The following SHB variants were observed in gnomAD, a reference collection of about 807,000 sequenced individuals.
SHB encodes SH2 domain containing adaptor protein B, also known as SH2 domain-containing adapter protein B.
SHB carries 20 observed loss-of-function variants against 52.3 expected under a neutral mutation model. The observed-to-expected ratio is 0.38, with a 90% confidence interval of 0.27 to 0.56. SHB has a LOEUF of 0.56. SHB is among the 20% of genes least tolerant of loss of function. SHB has a pLI of 0.71. For missense variants in SHB, 825 were observed against 723.3 expected (o/e 1.14, Z -1.61); for synonymous variants, 397 against 316.5 (o/e 1.25, Z -2.70).
chr9:38,066,537 C>T (rs1156630436), intron 1 of SHB, among the ~76,000 whole-genome samples: 1 of 152,178 alleles, frequency 6.6e-6, no homozygotes, highest in East Asian at 1.9e-4. Context: ...AGCCACCTGG[C>T]TCCCAGCTAG....
rs1032471015 is a variant in SHB at position 37,916,455 on chromosome 9, G to A, written c.*3366C>T. 4.6e-5 allele frequency among the ~76,000 whole-genome samples: 7 copies of A among 152,252 alleles called. No homozygotes were observed. The highest frequency in any genetic ancestry group is 4.4e-5 in the Non-Finnish European group (3 of 68,048). The stretch of plus-strand genomic sequence containing the variant: ...GCGTCTGGGGAGCTACCGGAACTTC[G>A]TGTTCAGCATCTTACAAAGGGGGCC... On this transcript the variant is annotated 3_prime_UTR_variant, in exon 6 of 6. Coordinates refer to ENST00000377707, the MANE Select transcript of SHB (RefSeq NM_003028.3).
chr9:37,981,937 A>C (rs1820732259), intron 2 of SHB, among the ~76,000 whole-genome samples: 2 of 152,186 alleles, frequency 1.3e-5, no homozygotes, highest in Non-Finnish European at 2.9e-5. Context: ...ATCAAAGATC[A>C]CTGATCACAG....
At chr9:38,058,962 G>A (rs1412715989) in intron 1 of SHB, among the ~76,000 whole-genome samples, 2 of 152,076 alleles carry the variant, frequency 1.3e-5, no homozygotes, top group Admixed American at 6.5e-5. Flanking sequence ...TTCCTCCACA[G>A]TCCCCACCCC....
chr9:37,971,864 G>A (rs748500940), intron 3 of SHB, among the ~76,000 whole-genome samples: 11 of 152,192 alleles, frequency 7.2e-5, no homozygotes, highest in Non-Finnish European at 1.3e-4. Flanking sequence ...GGGCAGAAGT[G>A]GGCAAGTTCT....
chr9:37,979,819 T>G (rs1820702053), intron 2 of SHB, among the ~76,000 whole-genome samples: 1 of 152,144 alleles, frequency 6.6e-6, no homozygotes, highest in East Asian at 1.9e-4. Context: ...TAGCCAGGCA[T>G]GGTGGCAGGT....
chr9:37,992,333 G>A (rs146788798), intron 2 of SHB, among the ~76,000 whole-genome samples: 1,851 of 152,242 alleles, frequency 0.012, 19 homozygotes, highest in Middle Eastern at 0.034. Context: ...CCCAGGAGGC[G>A]GAGGTTGCAG....
At chr9:37,923,259 A>C (rs1587191284) in intron 5 of SHB, among the ~76,000 whole-genome samples, 1 of 152,188 alleles carries the variant, frequency 6.6e-6, no homozygotes, top group East Asian at 1.9e-4. Context: ...CTGAGCAAAC[A>C]TCCCCTCCAC....
chr9:37,946,196 G>A (rs747942212), intron 5 of SHB, among the ~76,000 whole-genome samples: 7 of 152,232 alleles, frequency 4.6e-5, no homozygotes, highest in Non-Finnish European at 7.3e-5. Flanking sequence ...CACGAGGCCC[G>A]TCCTCTACCT....
At chr9:38,020,662 G>A (rs1821269980) in intron 1 of SHB, among the ~76,000 whole-genome samples, 1 of 152,202 alleles carries the variant, frequency 6.6e-6, no homozygotes, top group African/African-American at 2.4e-5. Flanking sequence ...AATTCGGCCT[G>A]TGCAGGGGGA....
chr9:38,004,976 C>T (rs937889489), intron 2 of SHB, among the ~76,000 whole-genome samples: 3 of 152,240 alleles, frequency 2.0e-5, no homozygotes, highest in African/African-American at 7.2e-5. Context: ...CCAAAACCAG[C>T]AAGTTCTGGA....
At chr9:38,005,487 C>G (rs1013249246) in intron 2 of SHB, among the ~76,000 whole-genome samples, 1 of 152,170 alleles carries the variant, frequency 6.6e-6, no homozygotes, top group African/African-American at 2.4e-5. Context: ...GGACTCAGAC[C>G]TGCTGTTACT....
intron 5 of SHB, among the ~76,000 whole-genome samples, chr9:37,932,419 T>C (rs749293176): frequency 6.6e-6 from 1 of 151,478 alleles, no homozygotes; most frequent in Non-Finnish European, 1.5e-5. Flanking sequence ...TGGGGAGATG[T>C]AGGTCAGAGG....
At chr9:37,979,774 T>C (rs1820701426) in intron 2 of SHB, among the ~76,000 whole-genome samples, 1 of 152,186 alleles carries the variant, frequency 6.6e-6, no homozygotes, top group African/African-American at 2.4e-5. Flanking sequence ...CTGGCCAACA[T>C]GGTGAAACCC....
intron 2 of SHB, among the ~76,000 whole-genome samples, chr9:37,993,724 G>GTGGA (rs1291969247): frequency 6.6e-6 from 1 of 151,990 alleles, no homozygotes; most frequent in African/African-American, 2.4e-5. Flanking sequence ...GAGTGTAAAT[G>GTGGA]TGGACTTCAC....
intron 2 of SHB, among the ~76,000 whole-genome samples, chr9:37,989,809 G>A (rs973074839): frequency 1.3e-5 from 2 of 152,190 alleles, no homozygotes; most frequent in African/African-American, 4.8e-5. Context: ...TTTTAAAGAG[G>A]AGTGGGGAAG....
chr9:37,925,530 G>A (rs1248590307), intron 5 of SHB, among the ~76,000 whole-genome samples: 9 of 152,186 alleles, frequency 5.9e-5, no homozygotes, highest in Middle Eastern at 3.2e-3. Context: ...CCACTCAGCC[G>A]CCCAGTGTCC....
chr9:38,023,681 G>A (rs1271360058), intron 1 of SHB, among the ~76,000 whole-genome samples: 2 of 152,194 alleles, frequency 1.3e-5, no homozygotes, highest in African/African-American at 4.8e-5. Context: ...TTCCTGCTTT[G>A]GGTAAGATTC....
chr9:37,973,734 G>A (rs1205442388), intron 3 of SHB, among the ~76,000 whole-genome samples: 1 of 152,172 alleles, frequency 6.6e-6, no homozygotes, highest in African/African-American at 2.4e-5. Flanking sequence ...CACTCAAGGG[G>A]CTCTTGGCCA....
chr9:38,068,479 C>A lies in SHB; in HGVS notation c.167G>T (p.Gly56Val). 2.0e-6 allele frequency: 3 copies of A among 1,505,500 alleles called. No individual in the cohort carries two copies. Among genetic ancestry groups the A allele is most frequent in the East Asian group, 2.8e-5 (1 of 36,228 alleles). The allele number at this position is 1,505,500 out of a possible 1,614,324, so 93.3% of individuals were successfully genotyped here. The change falls in exon 1 of 6, where the codon GGT (glycine) becomes GTT (valine). Residue 56 changes from glycine to valine, a missense_variant. Physicochemically the swap from Gly to Val is moderately radical, Grantham distance 109. Coordinates refer to ENST00000377707, the MANE Select transcript of SHB (RefSeq NM_003028.3). The part of the protein sequence containing the change: ...QASSAASASC[G>V]PATASCFSAS... ...TGAGAAGCAGGAGGCGGTGGCCGGA[C>A]CGCAGGACGCCGAGGCGGCGGAGGA...
Sources: allele counts gnomAD v4.1 joint callset (sites outside exome capture counted in the v4.1 genomes callset), GRCh38; gene constraint gnomAD v4.1.1; transcripts MANE v1.5; gene names NCBI Gene and HGNC (gene_info 2026-07-23, HGNC 2026-07-21).